Variants in PLG observed in about 807,000 individuals in gnomAD.
The protein encoded by PLG is plasmin.
A neutral mutation model predicts 104.4 loss-of-function variants in PLG; 41 were observed. That is an observed-to-expected ratio of 0.39 (90% CI 0.31 to 0.51). The LOEUF (loss-of-function observed/expected upper bound fraction) is 0.51. PLG is among the 20% of genes least tolerant of loss of function. The pLI is 0.76. For missense variants in PLG, 891 were observed against 1,003.6 expected (o/e 0.89, Z 1.52); for synonymous variants, 337 against 357.1 (o/e 0.94, Z 0.63).
chr6:160,704,595 G>A (rs1777483563), intron 1 of PLG, among the ~76,000 whole-genome samples: 1 of 152,218 alleles, frequency 6.6e-6, no homozygotes, highest in Admixed American at 6.5e-5. Context: ...GCGGGGTAAA[G>A]ACATGGATAT....
At chr6:160,711,430 T>C in intron 4 of PLG, 1 of 770,102 alleles carries the variant, frequency 1.3e-6, no homozygotes, top group South Asian at 1.9e-5. Flanking sequence ...TTATGTTTTA[T>C]TGTCATATTG....
chr6:160,735,562 C>T lies in PLG; in HGVS notation c.1682-1325C>T, dbSNP rs1363608745. On this transcript the variant is annotated intron_variant, in intron 13 of 18. Transcript: ENST00000308192. This position sits in a 1 kb window ranked among gnomAD's most constrained non-coding sequence, Gnocchi z 5.4. ...GGTTAACCCCAAGCCTGGTGAGAAGCGTTCCCATCAGACACTTGGAAATCC... is the reference window on the plus strand; with the variant it reads ...GGTTAACCCCAAGCCTGGTGAGAAGTGTTCCCATCAGACACTTGGAAATCC... Among the ~76,000 whole-genome samples, 3 of 152,184 alleles carry T rather than the reference C, an allele frequency of 2.0e-5. No homozygotes were observed. Among genetic ancestry groups the T allele is most frequent in the African/African-American group, 7.2e-5 (3 of 41,448 alleles).
At chr6:160,711,778 G>C in intron 4 of PLG, 1 of 1,587,554 alleles carries the variant, frequency 6.3e-7, no homozygotes, top group Admixed American at 1.8e-5. Flanking sequence ...ACTATGTTTG[G>C]GACTGAAGTA....
At chr6:160,749,590 C>T (rs1195617446) in intron 17 of PLG, among the ~76,000 whole-genome samples, 1 of 151,032 alleles carries the variant, frequency 6.6e-6, no homozygotes, top group Non-Finnish European at 1.5e-5. Context: ...CATTCCACCA[C>T]CATCACCATT....
chr6:160,734,059 T>G lies in PLG; in HGVS notation c.1652T>G (p.Leu551Arg). The G allele has an allele frequency of 6.2e-7, 1 of 1,608,278 alleles. No individual in the cohort carries two copies. Among genetic ancestry groups the G allele is most frequent in the Non-Finnish European group, 8.5e-7 (1 of 1,174,932 alleles). ...PWCYTTNPRKLYDYCDVPQCA... is the reference protein window; with the variant it reads ...PWCYTTNPRKRYDYCDVPQCA... Reference sequence around the variant, plus strand: ...TGCTACACGACAAATCCAAGAAAACTTTACGACTACTGTGATGTCCCTCAG... The same window carrying G: ...TGCTACACGACAAATCCAAGAAAACGTTACGACTACTGTGATGTCCCTCAG... The change falls in exon 13 of 19, where the codon CTT becomes CGT. Residue 551 changes from leucine (L) to arginine (R), a missense_variant. This residue lies in a region of PLG where 854 missense variants were observed against 932.1 expected (regional missense o/e 0.92). Transcript: ENST00000308192. This position sits in a 1 kb window ranked among gnomAD's most constrained non-coding sequence, Gnocchi z 4.4.
rs1265720793 is a variant in PLG at position 160,719,288 on chromosome 6, G to T, written c.1096+450G>T. On this transcript the variant is annotated intron_variant, in intron 9 of 18. Transcript: ENST00000308192. This position sits in a 1 kb window ranked among gnomAD's most constrained non-coding sequence, Gnocchi z 4.1. The stretch of plus-strand genomic sequence containing the variant: ...GTTAGGCACATATGTATTTAGGATG[G>T]TTATGTCTTCTAGATGAAAGGACCC... Among the ~76,000 whole-genome samples the T allele has an allele frequency of 6.6e-6, 1 of 152,114 alleles. No individual in the cohort carries two copies. Among genetic ancestry groups the T allele is most frequent in the Non-Finnish European group, 1.5e-5 (1 of 68,006 alleles).
intron 17 of PLG, among the ~76,000 whole-genome samples, chr6:160,748,430 ACG>A (rs1562383554): frequency 1.7e-4 from 15 of 85,750 alleles, no homozygotes; most frequent in East Asian, 8.0e-4. Flanking sequence ...AAGAAAGAGA[ACG>A]AAAGAAAGAA....
chr6:160,748,350 G>GAA lies in PLG; in HGVS notation c.2126-3764_2126-3763insAA, dbSNP rs1554252934. Among the ~76,000 whole-genome samples the GAA allele has an allele frequency of 4.9e-3, 243 of 49,346 alleles. 1 individual carries two copies. Among genetic ancestry groups the GAA allele is most frequent in the African/African-American group, 0.016 (230 of 14,254 alleles). The allele number at this position is 49,346 out of a possible 152,430, so 32.4% of individuals were successfully genotyped here. On this transcript the variant is annotated intron_variant, in intron 17 of 18. Coordinates refer to ENST00000308192, the MANE Select transcript of PLG (RefSeq NM_000301.5). ...AGAAGGAAAGAAGGAAGAAAAGAAA[G>GAA]AGAAAGAAAGAAAGAAAGAAAGAAA... is the stretch of plus-strand genomic sequence containing the variant.
intron 10 of PLG, among the ~76,000 whole-genome samples, chr6:160,730,313 CAGT>C (rs746500829): frequency 6.6e-6 from 1 of 152,192 alleles, no homozygotes; most frequent in Non-Finnish European, 1.5e-5. Context: ...CCTGGAGTGG[CAGT>C]GGCCAGCAGA....
intron 17 of PLG, among the ~76,000 whole-genome samples, chr6:160,745,099 G>C (rs1034168226): frequency 6.6e-6 from 1 of 152,146 alleles, no homozygotes; most frequent in African/African-American, 2.4e-5. Flanking sequence ...TAGAGTATGT[G>C]CCACATGGTG....
chr6:160,741,380 G>A lies in PLG; in HGVS notation c.2088G>A (p.Arg696=), dbSNP rs753464654. 3.8e-5 allele frequency: 62 copies of A among 1,613,260 alleles called. No individual in the cohort carries two copies. The South Asian group carries it at 6.3e-4, about 16-fold the overall frequency. ...CCCCAAATTATGTGGTCGCTGACCG[G>A]ACCGAATGTTTCATCACTGGCTGGG... ...LPSPNYVVAD[R]TECFITGWGE... is the part of the protein sequence containing the mutation. Residue 696 remains arginine, a synonymous_variant, in exon 17 of 19, where the codon CGG becomes CGA. Transcript: ENST00000308192. The surrounding 1 kb of genome is among the most constrained non-coding windows in gnomAD (Gnocchi z 4.7).
Position 160,752,283 on chromosome 6 carries a change from A to G in PLG, c.2271+23A>G, listed in dbSNP as rs775060338. The G allele has an allele frequency of 6.2e-7, 1 of 1,607,850 alleles. No homozygotes were observed. The highest frequency in any genetic ancestry group is 8.5e-7 in the Non-Finnish European group (1 of 1,174,318). On this transcript the variant is annotated intron_variant, in intron 18 of 18. Coordinates refer to ENST00000308192, the MANE Select transcript of PLG (RefSeq NM_000301.5). The surrounding 1 kb of genome is among the most constrained non-coding windows in gnomAD (Gnocchi z 4.7). ...CAGGTAAGCAAAGATCAAGAGACCA[A>G]AGTTAGTCTTGTGCTCTCTTGTCTC...
At chr6:160,730,001 CAT>C (rs1213419166) in intron 10 of PLG, among the ~76,000 whole-genome samples, 3 of 152,170 alleles carry the variant, frequency 2.0e-5, no homozygotes, top group African/African-American at 7.2e-5. Flanking sequence ...GATTAGATCA[CAT>C]GTGTAGAGTC....
rs1487329207 is a variant in PLG at position 160,740,088 on chromosome 6, G to A, written c.2018+880G>A. ...GGTGGTTCTGGAAGACAGGGTGTCAGTGTGGACAGGGATGAGCATGGCCTG... is the reference window on the plus strand; with the variant it reads ...GGTGGTTCTGGAAGACAGGGTGTCAATGTGGACAGGGATGAGCATGGCCTG... On this transcript the variant is annotated intron_variant, in intron 16 of 18. Coordinates refer to ENST00000308192, the MANE Select transcript of PLG (RefSeq NM_000301.5). This position sits in a 1 kb window ranked among gnomAD's most constrained non-coding sequence, Gnocchi z 5.2. Among the ~76,000 whole-genome samples, 52 of 152,210 alleles carry A rather than the reference G, an allele frequency of 3.4e-4. No individual in the cohort carries two copies. Among genetic ancestry groups the A allele is most frequent in the Non-Finnish European group, 4.4e-5 (3 of 68,036 alleles).
At chr6:160,751,505 A>G (rs1475304487) in intron 17 of PLG, among the ~76,000 whole-genome samples, 1 of 152,258 alleles carries the variant, frequency 6.6e-6, no homozygotes, top group Admixed American at 6.5e-5. Context: ...GCAATAAAAT[A>G]TACAAAACAT....
At chr6:160,751,789 AAG>A (rs566001426) in intron 17 of PLG, among the ~76,000 whole-genome samples, 105 of 152,342 alleles carry the variant, frequency 6.9e-4, no homozygotes, top group Middle Eastern at 6.8e-3. Flanking sequence ...CATCTGAAAA[AAG>A]AGTATATAAA....
intron 1 of PLG, among the ~76,000 whole-genome samples, chr6:160,703,872 CT>C (rs752592655): frequency 4.6e-5 from 7 of 152,194 alleles, no homozygotes; most frequent in Non-Finnish European, 7.3e-5. Flanking sequence ...CTCATAAGCT[CT>C]TTTGGAAAGC....
intron 9 of PLG, among the ~76,000 whole-genome samples, chr6:160,721,902 C>A (rs920580173): frequency 6.6e-6 from 1 of 152,176 alleles, no homozygotes; most frequent in Non-Finnish European, 1.5e-5. Context: ...AGATTTTTGC[C>A]TCCACCACTC....
chr6:160,748,447 G>GAACGAAA (rs1491160827), intron 17 of PLG, among the ~76,000 whole-genome samples: 1 of 36,020 alleles, frequency 2.8e-5, no homozygotes, highest in African/African-American at 1.3e-4. Flanking sequence ...AAAGAAGGGA[G>GAACGAAA]GGAGGGAGGG....
Sources: allele counts gnomAD v4.1 joint callset (sites outside exome capture counted in the v4.1 genomes callset), GRCh38; gene constraint gnomAD v4.1.1; regional missense constraint gnomAD v4.1.1; non-coding constraint Gnocchi (gnomAD v3.1); transcripts MANE v1.5; gene names NCBI Gene and HGNC (gene_info 2026-07-23, HGNC 2026-07-21).